ENKUR: variants seen among roughly 807,000 people sequenced by gnomAD.
ENKUR encodes enkurin.
Under a neutral mutation model 27.6 loss-of-function variants are expected in ENKUR, and 19 were observed. The ratio of observed to expected loss-of-function variants is 0.69; its 90% CI spans 0.48 to 1.01. The LOEUF (loss-of-function observed/expected upper bound fraction) is 1.01, where lower values mean the gene tolerates loss of function less well. Ranked by LOEUF, ENKUR falls within the 50% of genes least tolerant of loss-of-function variation. The pLI is 0.00. For missense variants in ENKUR, 312 were observed against 310.5 expected, an observed-to-expected ratio of 1.00 and a Z score of -0.04; for synonymous variants, 117 against 96.9, an observed-to-expected ratio of 1.21 and a Z score of -1.22.
intron 2 of ENKUR, among the ~76,000 whole-genome samples, chr10:25,040,980 G>A (rs1336491456): frequency 1.3e-5 from 2 of 152,106 alleles, no homozygotes; most frequent in African/African-American, 2.4e-5. Flanking sequence ...GATGTGTAAT[G>A]GCTGCCTAGT....
At chr10:25,006,453 T>G (rs1850316565) in intron 1 of ENKUR, among the ~76,000 whole-genome samples, 1 of 152,134 alleles carries the variant, frequency 6.6e-6, no homozygotes, top group African/African-American at 2.4e-5. Flanking sequence ...GTGTAATTGA[T>G]TTTTAAAGAA....
intron 2 of ENKUR, among the ~76,000 whole-genome samples, chr10:25,037,941 C>A (rs1851024936): frequency 6.6e-6 from 1 of 152,140 alleles, no homozygotes; most frequent in Non-Finnish European, 1.5e-5. Context: ...AGGGTAAATT[C>A]TCAGTTAATT....
intron 1 of ENKUR, among the ~76,000 whole-genome samples, chr10:25,012,102 C>T (rs1002323515): frequency 6.6e-6 from 1 of 152,256 alleles, no homozygotes; most frequent in African/African-American, 2.4e-5. Flanking sequence ...AGCCCCAAGC[C>T]TTGGTGGCTT....
intron 1 of ENKUR, among the ~76,000 whole-genome samples, chr10:25,014,903 AG>A (rs1446975686): frequency 2.0e-5 from 3 of 152,218 alleles, no homozygotes; most frequent in African/African-American, 7.2e-5. Flanking sequence ...TAGATCTAAA[AG>A]GGGCCTTGGA....
chr10:25,051,893 C>T (rs776331651), intron 2 of ENKUR, among the ~76,000 whole-genome samples: 6 of 152,200 alleles, frequency 3.9e-5, no homozygotes, highest in East Asian at 1.9e-4. Flanking sequence ...GTCCCCTGTT[C>T]CTCTGAAATG....
chr10:25,020,600 C>T (rs1194217434), upstream of ENKUR, among the ~76,000 whole-genome samples: 1 of 151,938 alleles, frequency 6.6e-6, no homozygotes, highest in Non-Finnish European at 1.5e-5. Context: ...AACCCTGTCT[C>T]TAGAAAACCT....
upstream of ENKUR, among the ~76,000 whole-genome samples, chr10:25,020,958 T>C (rs1850707424): frequency 6.6e-6 from 1 of 152,200 alleles, no homozygotes; most frequent in Admixed American, 6.5e-5. Context: ...CAGAATATGG[T>C]TTAATAAAAT....
At chr10:25,003,243 G>A (rs1010750259) in intron 1 of ENKUR, among the ~76,000 whole-genome samples, 2 of 151,930 alleles carry the variant, frequency 1.3e-5, no homozygotes, top group African/African-American at 4.8e-5. Flanking sequence ...GTGCAGTGGT[G>A]TTGCCCAGGC....
At position 25,016,113 on chromosome 10, in the gene ENKUR, A is replaced by G; in HGVS notation, c.-177T>C. Reference sequence around the variant, plus strand: ...CCCTCTTAGCAGTCCTCTCTCGGGAAGAAAACACCCTATTTCTCTCCGGAT... The same window carrying G: ...CCCTCTTAGCAGTCCTCTCTCGGGAGGAAAACACCCTATTTCTCTCCGGAT... On this transcript the variant is annotated 5_prime_UTR_variant, in exon 1 of 6. Coordinates refer to ENST00000331161, the MANE Select transcript of ENKUR (RefSeq NM_145010.4). The G allele has an allele frequency of 1.6e-6, 2 of 1,282,842 alleles. No individual in the cohort carries two copies. Among genetic ancestry groups the G allele is most frequent in the South Asian group, 5.4e-5 (2 of 37,188 alleles). The allele number at this position is 1,282,842 out of a possible 1,614,324, so 79.5% of individuals were successfully genotyped here.
Position 25,016,125 on chromosome 10 carries a change from A to C in ENKUR, c.-189T>G. ...TCCTCTCTCGGGAAGAAAACACCCT[A>C]TTTCTCTCCGGATTGCTAAGCGTCG... On this transcript the variant is annotated 5_prime_UTR_variant, in exon 1 of 6. Coordinates refer to ENST00000331161, the MANE Select transcript of ENKUR (RefSeq NM_145010.4). 1 of 1,253,428 alleles carries C rather than the reference A, an allele frequency of 8.0e-7. No homozygotes were observed. Among genetic ancestry groups the C allele is most frequent in the Non-Finnish European group, 1.0e-6 (1 of 997,332 alleles). 77.6% of individuals were successfully genotyped at this position (1,253,428 alleles called of 1,614,324 possible). A position where few individuals can be genotyped will look rare whatever the true frequency, so the allele number is the denominator to read the frequency against.
At position 25,032,315 on chromosome 10, in the gene ENKUR, G is replaced by GT. The variant is rs981874164; in HGVS notation, c.37+28796_37+28797insA. Among the ~76,000 whole-genome samples, 11 of 126,278 alleles carry GT rather than the reference G, an allele frequency of 8.7e-5. 1 individual carries two copies. Among genetic ancestry groups the GT allele is most frequent in the African/African-American group, 4.5e-4 (11 of 24,572 alleles). 82.8% of individuals were successfully genotyped at this position (126,278 alleles called of 152,430 possible). ...AGGGAATTAGAATCAGAGTAAAGAA[G>GT]GGGGGGGGGCTATGATCGTTACCAT... On this transcript the variant is annotated intron_variant, in intron 2 of 5. Coordinates refer to the ENKUR transcript ENST00000615958.
chr10:25,051,121 G>A lies in ENKUR; in HGVS notation c.37+9991C>T, dbSNP rs766927068. ...AACAGTACACAAAAGCTACATAAAC[G>A]ACCGTATAAAACTGAATGCAGTTGC... On this transcript the variant is annotated intron_variant, in intron 2 of 5. Coordinates refer to the ENKUR transcript ENST00000615958. Among the ~76,000 whole-genome samples the A allele has an allele frequency of 5.3e-5, 8 of 152,232 alleles. No individual in the cohort carries two copies. In the East Asian group the frequency reaches 7.7e-4, roughly 15 times the overall value.
chr10:24,993,179 A>G (rs1849963614), intron 3 of ENKUR, among the ~76,000 whole-genome samples: 1 of 152,184 alleles, frequency 6.6e-6, no homozygotes, highest in Admixed American at 6.5e-5. Flanking sequence ...GGTGTGATAC[A>G]GTTCAGAAAA....
At chr10:25,061,094 C>G in intron 2 of ENKUR, 1 of 1,535,918 alleles carries the variant, frequency 6.5e-7, no homozygotes, top group African/African-American at 1.4e-5. Context: ...CCTGTGAACA[C>G]AAGAATGTCA....
intron 1 of ENKUR, among the ~76,000 whole-genome samples, chr10:25,000,130 G>T (rs1344768615): frequency 6.6e-6 from 1 of 151,844 alleles, no homozygotes; most frequent in Non-Finnish European, 1.5e-5. Flanking sequence ...CATAGATTTG[G>T]GATTTTCCAG....
At chr10:25,056,673 C>A (rs1851259892) in intron 2 of ENKUR, among the ~76,000 whole-genome samples, 2 of 152,136 alleles carry the variant, frequency 1.3e-5, no homozygotes, top group Admixed American at 1.3e-4. Flanking sequence ...CTAATAAAAA[C>A]AAGAGTAAAA....
At chr10:25,008,446 T>G (rs575449180) in intron 1 of ENKUR, among the ~76,000 whole-genome samples, 1 of 152,318 alleles carries the variant, frequency 6.6e-6, no homozygotes, top group African/African-American at 2.4e-5. Flanking sequence ...CAAAGTCAGA[T>G]ACATAACCAT....
chr10:25,061,478 C>T, intron 1 of ENKUR: 2 of 265,622 alleles, frequency 7.5e-6, no homozygotes, highest in Non-Finnish European at 1.4e-5. Context: ...TTCTCCCCCG[C>T]CACCACCATT....
At chr10:25,058,079 C>G (rs1209901982) in intron 2 of ENKUR, among the ~76,000 whole-genome samples, 1 of 152,120 alleles carries the variant, frequency 6.6e-6, no homozygotes, top group African/African-American at 2.4e-5. Flanking sequence ...CCCCTGTCAG[C>G]TGAAACGCTT....
Sources: gnomAD v4.1 joint callset for allele counts (sites outside exome capture counted in the v4.1 genomes callset) on GRCh38, gnomAD v4.1.1 for gene constraint, MANE v1.5 for transcripts, NCBI Gene and HGNC (gene_info 2026-07-23, HGNC 2026-07-21) for gene names.